The following DSE variants were observed in gnomAD, a reference collection of about 807,000 sequenced individuals.
DSE encodes dermatan-sulfate epimerase.
DSE carries 36 observed loss-of-function variants against 84.4 expected under a neutral mutation model. The observed-to-expected ratio is 0.43, with a 90% CI of 0.33 to 0.56. DSE has a LOEUF of 0.56. DSE is among the 20% of genes least tolerant of loss of function. The pLI is 0.06. For missense variants in DSE, 862 were observed against 1,169.6 expected (o/e 0.74, Z 3.84); for synonymous variants, 410 against 430.1 (o/e 0.95, Z 0.58).
At chr6:116,262,870 C>T (rs1582906121) in intron 2 of DSE, among the ~76,000 whole-genome samples, 1 of 152,100 alleles carries the variant, frequency 6.6e-6, no homozygotes, top group East Asian at 1.9e-4. Context: ...TCATTATTTA[C>T]TCAAAAGTCA....
At chr6:116,306,750 G>A (rs759078684) in intron 2 of DSE, among the ~76,000 whole-genome samples, 8 of 152,172 alleles carry the variant, frequency 5.3e-5, no homozygotes, top group Non-Finnish European at 1.0e-4. Flanking sequence ...TAGAGATGGG[G>A]CCTTTGGGAG....
At position 116,436,531 on chromosome 6, in the gene DSE, C is replaced by G. The variant is rs143443243; in HGVS notation, c.2063C>G (p.Ala688Gly). The G allele has an allele frequency of 5.6e-6, 9 of 1,614,052 alleles. No individual in the cohort carries two copies. The highest frequency in any genetic ancestry group is 5.9e-6 in the Non-Finnish European group (7 of 1,180,020). ...GDSQQLDVFI[A>G]TSKHAYATYL... The stretch of plus-strand genomic sequence containing the variant: ...TCTCAGCAACTGGATGTGTTCATAG[C>G]CACCAGCAAACATGCCTACGCCACA... The change falls in exon 6 of 6, where the codon GCC (alanine) becomes GGC (glycine). Residue 688 changes from alanine (A) to glycine (G), a missense_variant. Transcript: ENST00000644252.
chr6:116,343,958 G>A (rs1182969286), intron 2 of DSE, among the ~76,000 whole-genome samples: 1 of 152,176 alleles, frequency 6.6e-6, no homozygotes, highest in African/African-American at 2.4e-5. Context: ...TGATGGAGCT[G>A]AAAGCCATGG....
rs888689770 is a variant in DSE, at chr6:116,399,848, C to T, written c.416+182C>T. The T allele has an allele frequency of 6.8e-6, 4 of 592,398 alleles. No homozygotes were observed. The African/African-American group carries it at 7.5e-5, about 11-fold the overall frequency. The allele number at this position is 592,398 out of a possible 1,614,324, so 36.7% of individuals were successfully genotyped here. A position where few individuals can be genotyped will look rare whatever the true frequency, so the allele number is the denominator to read the frequency against. On this transcript the variant is annotated intron_variant, in intron 2 of 5. Transcript: ENST00000644252. ...CCCTTAGTTTCAAAAGATGTAGTAA[C>T]TTCCATGTTTAAAGTTAGAAGGAAA...
chr6:116,365,073 A>G (rs759979244), intron 2 of DSE, among the ~76,000 whole-genome samples: 5 of 152,078 alleles, frequency 3.3e-5, no homozygotes, highest in Non-Finnish European at 7.4e-5. Flanking sequence ...CCTGGGCTCA[A>G]GCAGTTTGCC....
chr6:116,284,647 T>C (rs1221396290), intron 2 of DSE, among the ~76,000 whole-genome samples: 1 of 148,448 alleles, frequency 6.7e-6, no homozygotes, highest in Non-Finnish European at 1.5e-5. Context: ...TATCTCCTAA[T>C]GCTATCCCTC....
At chr6:116,393,159 A>G (rs1449639417) in intron 1 of DSE, among the ~76,000 whole-genome samples, 1 of 152,232 alleles carries the variant, frequency 6.6e-6, no homozygotes, top group Non-Finnish European at 1.5e-5. Flanking sequence ...CCTTTTGTAT[A>G]TGAAGAATTA....
At chr6:116,369,846 G>A (rs920562010), upstream of DSE, 2 of 1,202,206 alleles carry the variant, frequency 1.7e-6, no homozygotes, top group African/African-American at 3.1e-5. Context: ...TCTGAGGATA[G>A]AGGAATTGGA....
At chr6:116,390,187 C>G (rs994893161) in intron 1 of DSE, among the ~76,000 whole-genome samples, 4 of 152,022 alleles carry the variant, frequency 2.6e-5, no homozygotes, top group Non-Finnish European at 5.9e-5. Context: ...CCCACCTCAG[C>G]CTCCCAAGTA....
chr6:116,384,318 A>C (rs1376936821), intron 1 of DSE, among the ~76,000 whole-genome samples: 1 of 152,228 alleles, frequency 6.6e-6, no homozygotes. Context: ...AGACCCATAG[A>C]GGACTCATGA....
intron 2 of DSE, among the ~76,000 whole-genome samples, chr6:116,319,794 CAT>C (rs1776195799): frequency 6.6e-6 from 1 of 152,116 alleles, no homozygotes; most frequent in East Asian, 1.9e-4. Flanking sequence ...TCACTGCAGT[CAT>C]GTTGGTCAAC....
upstream of DSE, among the ~76,000 whole-genome samples, chr6:116,365,902 G>T (rs139168957): frequency 6.6e-6 from 1 of 152,178 alleles, no homozygotes; most frequent in South Asian, 2.1e-4. Flanking sequence ...CTTTTAGCAG[G>T]GTTCTGAGAG....
chr6:116,443,593 C>T lies in DSE; in HGVS notation c.*6248C>T, dbSNP rs768738888. On this transcript the variant is annotated 3_prime_UTR_variant, in exon 6 of 6. Transcript: ENST00000644252. ...AATTATATAAGCATTGTGATTAATG[C>T]AGGCAGTTGGAGTACTTTCTAAATC... 9 of 152,098 alleles carry T rather than the reference C, an allele frequency of 5.9e-5. No individual in the cohort carries two copies. The highest frequency in any genetic ancestry group is 2.6e-4 in the Admixed American group (4 of 15,270). 9.4% of individuals were successfully genotyped at this position (152,098 alleles called of 1,614,324 possible). A position where few individuals can be genotyped will look rare whatever the true frequency, so the allele number is the denominator to read the frequency against.
chr6:116,387,986 A>G (rs1409957938), intron 1 of DSE, among the ~76,000 whole-genome samples: 1 of 152,180 alleles, frequency 6.6e-6, no homozygotes, highest in Non-Finnish European at 1.5e-5. Flanking sequence ...TGGGAATTTG[A>G]AAAAGGGCTT....
At position 116,371,008 on chromosome 6, in the gene DSE, G is replaced by A; in HGVS notation, c.-167G>A. ...GGCATGGCGCGGCGGGGGCGCGGAGGGCTCGGTTCGGAGGGGGCCGGGAGC... is the reference window on the plus strand; with the variant it reads ...GGCATGGCGCGGCGGGGGCGCGGAGAGCTCGGTTCGGAGGGGGCCGGGAGC... On this transcript the variant is annotated 5_prime_UTR_variant, in exon 1 of 6. Transcript: ENST00000644252. 1.0e-6 allele frequency: 1 copy of A among 985,642 alleles called. No homozygotes were observed. Among genetic ancestry groups the A allele is most frequent in the Non-Finnish European group, 1.2e-6 (1 of 830,178 alleles). 61.1% of individuals were successfully genotyped at this position (985,642 alleles called of 1,614,324 possible).
chr6:116,343,034 G>T (rs772995953), intron 2 of DSE, among the ~76,000 whole-genome samples: 1 of 152,196 alleles, frequency 6.6e-6, no homozygotes, highest in Non-Finnish European at 1.5e-5. Context: ...CGCCCACGGA[G>T]CCTCACTCAC....
intron 2 of DSE, among the ~76,000 whole-genome samples, chr6:116,418,099 G>A (rs1271400927): frequency 6.6e-6 from 1 of 152,086 alleles, no homozygotes; most frequent in African/African-American, 2.4e-5. Context: ...CTGCTAAGTG[G>A]CAATTATCGA....
At position 116,331,589 on chromosome 6, in the gene DSE, A is replaced by G. The variant is rs1257156442; in HGVS notation, c.-53-67609A>G. On this transcript the variant is annotated intron_variant, in intron 2 of 3. Coordinates refer to the DSE transcript ENST00000430252. ...TTCTGGGCGGGGACAGAGCCAAACC[A>G]TATCAATAGTTACCAACATTTCTAG... Among the ~76,000 whole-genome samples the G allele has an allele frequency of 2.6e-5, 4 of 152,200 alleles. No individual in the cohort carries two copies. In the East Asian group the frequency reaches 7.7e-4, roughly 29 times the overall value.
At chr6:116,433,970 A>G (rs1333277698) in intron 5 of DSE, among the ~76,000 whole-genome samples, 1 of 152,192 alleles carries the variant, frequency 6.6e-6, no homozygotes, top group Non-Finnish European at 1.5e-5. Flanking sequence ...ACAAAACACA[A>G]AATTTAGACT....
Sources: gnomAD v4.1 joint callset for allele counts (sites outside exome capture counted in the v4.1 genomes callset) on GRCh38, gnomAD v4.1.1 for gene constraint, MANE v1.5 for transcripts, NCBI Gene and HGNC (gene_info 2026-07-23, HGNC 2026-07-21) for gene names.